Variants in DSCAML1 observed in about 807,000 individuals in gnomAD.
The protein encoded by DSCAML1 is cell adhesion molecule DSCAML1.
Under a neutral mutation model 200.5 loss-of-function variants are expected in DSCAML1, and 38 were observed. The ratio of observed to expected loss-of-function variants is 0.19; its 90% CI spans 0.15 to 0.25. The LOEUF is 0.25. DSCAML1 is among the 10% of genes least tolerant of loss of function. DSCAML1 has a pLI of 1.00. For missense variants in DSCAML1, 2,223 were observed against 2,858.8 expected, an observed-to-expected ratio of 0.78 and a Z score of 5.07; for synonymous variants, 1,215 against 1,165.0, an observed-to-expected ratio of 1.04 and a Z score of -0.87.
At chr11:117,461,877 A>G (rs1273355832) in intron 17 of DSCAML1, among the ~76,000 whole-genome samples, 1 of 152,186 alleles carries the variant, frequency 6.6e-6, no homozygotes, top group Admixed American at 6.5e-5. Flanking sequence ...ATCCTGGGGA[A>G]GAAGGTGAGG....
chr11:117,435,901 T>G, intron 26 of DSCAML1, 102 bp from the exon 27 acceptor site: 1 of 1,351,014 alleles, frequency 7.4e-7, no homozygotes. Flanking sequence ...TTGCTGCCCT[T>G]GGGCTCTGAC....
chr11:117,525,802 C>G (rs2049968279), intron 4 of DSCAML1, among the ~76,000 whole-genome samples: 1 of 152,192 alleles, frequency 6.6e-6, no homozygotes, highest in Non-Finnish European at 1.5e-5. Flanking sequence ...AGTGATGTGT[C>G]ATGACGTCTC....
At chr11:117,798,011 G>A (rs2055615250), upstream of DSCAML1, among the ~76,000 whole-genome samples, 2 of 152,210 alleles carry the variant, frequency 1.3e-5, no homozygotes, top group African/African-American at 4.8e-5. Flanking sequence ...CACCTGCTGT[G>A]TCAGGCACTG....
At chr11:117,704,213 A>G (rs761991597) in intron 3 of DSCAML1, among the ~76,000 whole-genome samples, 3 of 151,990 alleles carry the variant, frequency 2.0e-5, no homozygotes, top group Admixed American at 6.6e-5. Flanking sequence ...CAAGATAATA[A>G]TAATAATAAT....
intron 3 of DSCAML1, among the ~76,000 whole-genome samples, chr11:117,743,832 C>T (rs1056166494): frequency 1.3e-5 from 2 of 152,214 alleles, no homozygotes; most frequent in African/African-American, 2.4e-5. Flanking sequence ...GACCTGCAGG[C>T]ATCACATTCC....
intron 3 of DSCAML1, among the ~76,000 whole-genome samples, chr11:117,705,606 G>A (rs1036647752): frequency 6.6e-6 from 1 of 152,186 alleles, no homozygotes; most frequent in African/African-American, 2.4e-5. Context: ...CTCAGAAAGA[G>A]AGACCAGTAC....
chr11:117,646,938 G>A (rs187274117), intron 3 of DSCAML1, among the ~76,000 whole-genome samples: 4 of 152,242 alleles, frequency 2.6e-5, no homozygotes, highest in East Asian at 1.9e-4. Flanking sequence ...GTCCCAGACT[G>A]ATCGTGACGT....
intron 1 of DSCAML1, among the ~76,000 whole-genome samples, chr11:117,807,830 C>A (rs142007030): frequency 5.2e-4 from 79 of 152,228 alleles, no homozygotes; most frequent in African/African-American, 1.6e-3. Context: ...TGGCTTTCGT[C>A]GGAGTTAAAA....
rs918291460 is a variant in DSCAML1, at chr11:117,642,111, G to A, written c.512-109589C>T. On this transcript the variant is annotated intron_variant, in intron 3 of 32. Coordinates refer to ENST00000651296, the MANE Select transcript of DSCAML1 (RefSeq NM_020693.4). The surrounding 1 kb of genome is among the most constrained non-coding windows in gnomAD (Gnocchi z 4.1). ...CTCTACCTCACCTGCCCTTACCATT[G>A]CCCTCGAATTATTTCTGGTTTGTAA... Among the ~76,000 whole-genome samples the A allele has an allele frequency of 5.9e-5, 9 of 152,042 alleles. No individual in the cohort carries two copies. Among genetic ancestry groups the A allele is most frequent in the Admixed American group, 5.2e-4 (8 of 15,268 alleles).
intron 17 of DSCAML1, among the ~76,000 whole-genome samples, chr11:117,462,423 G>A (rs1440062091): frequency 3.3e-5 from 5 of 152,226 alleles, no homozygotes; most frequent in South Asian, 2.1e-4. Context: ...CAGCTCGGGG[G>A]AGCTTTGGTG....
At chr11:117,519,677 C>T (rs1374586449) in intron 6 of DSCAML1, among the ~76,000 whole-genome samples, 1 of 151,978 alleles carries the variant, frequency 6.6e-6, no homozygotes, top group African/African-American at 2.4e-5. Context: ...AAAAAATAGC[C>T]AGGTGTGGTG....
At position 117,780,296 on chromosome 11, in the gene DSCAML1, G is replaced by GAAAGAAAGAAAGAA. The variant is rs1555032777; in HGVS notation, c.364+196_364+197insTTCTTTCTTTCTTT. On this transcript the variant is annotated intron_variant, in intron 2 of 32. Coordinates refer to ENST00000651296, the MANE Select transcript of DSCAML1 (RefSeq NM_020693.4). The surrounding 1 kb of genome is among the most constrained non-coding windows in gnomAD (Gnocchi z 4.8). The stretch of plus-strand genomic sequence containing the variant: ...AGAAAGAAAGAAAGAAAGAAAGAAA[G>GAAAGAAAGAAAGAA]AAAGAAAGAGAGAAAGGAGAAAGAA... Among the ~76,000 whole-genome samples the GAAAGAAAGAAAGAA allele has an allele frequency of 4.7e-5, 5 of 106,972 alleles. No individual in the cohort carries two copies. In the East Asian group the frequency reaches 1.3e-3, roughly 28 times the overall value. 70.2% of individuals were successfully genotyped at this position (106,972 alleles called of 152,430 possible). A position where few individuals can be genotyped will look rare whatever the true frequency, so the allele number is the denominator to read the frequency against.
intron 11 of DSCAML1, among the ~76,000 whole-genome samples, chr11:117,488,176 C>T (rs976147732): frequency 2.6e-5 from 4 of 152,228 alleles, no homozygotes; most frequent in Admixed American, 1.3e-4. Context: ...CCCCTCCATC[C>T]GGCCCTGCAC....
chr11:117,756,514 G>A (rs1029340432), intron 3 of DSCAML1, among the ~76,000 whole-genome samples: 1 of 152,108 alleles, frequency 6.6e-6, no homozygotes, highest in Non-Finnish European at 1.5e-5. Flanking sequence ...AGACATCCTG[G>A]GAAGGACATG....
In DSCAML1 at chr11:117,708,888, T is replaced by C. The variant is rs150752280; in HGVS notation, c.511+67903A>G. On this transcript the variant is annotated intron_variant, in intron 3 of 32. Coordinates refer to ENST00000651296, the MANE Select transcript of DSCAML1 (RefSeq NM_020693.4). ...GTAGGCTCCCATTACATGCTGCCCATTAAATCATCTCAAGTTCATTTAAGG... is the reference window on the plus strand; with the variant it reads ...GTAGGCTCCCATTACATGCTGCCCACTAAATCATCTCAAGTTCATTTAAGG... Among the ~76,000 whole-genome samples the C allele has an allele frequency of 6.3e-4, 96 of 152,184 alleles. 1 individual carries two copies. The highest frequency in any genetic ancestry group is 1.2e-3 in the Non-Finnish European group (81 of 68,036).
chr11:117,486,270 G>T (rs985279631), intron 11 of DSCAML1, among the ~76,000 whole-genome samples: 56 of 85,846 alleles, frequency 6.5e-4, no homozygotes, highest in African/African-American at 1.8e-3. Flanking sequence ...GTGGTGGATG[G>T]GAAAGTGGCG....
intron 11 of DSCAML1, among the ~76,000 whole-genome samples, chr11:117,493,321 CTT>C (rs35975602): frequency 8.4e-5 from 12 of 142,042 alleles, no homozygotes; most frequent in African/African-American, 2.1e-4. Flanking sequence ...TGGTCCTCTT[CTT>C]TTTTTTTTTT....
intron 3 of DSCAML1, among the ~76,000 whole-genome samples, chr11:117,708,785 T>C (rs560101788): frequency 3.9e-4 from 60 of 152,308 alleles, no homozygotes; most frequent in African/African-American, 1.3e-3. Context: ...CGTGGACCTA[T>C]GGCCAAACGT....
chr11:117,614,829 G>A (rs1194641320), intron 3 of DSCAML1, among the ~76,000 whole-genome samples: 2 of 152,188 alleles, frequency 1.3e-5, no homozygotes, highest in African/African-American at 4.8e-5. Flanking sequence ...TTGAATGGAG[G>A]GAGGAGAAGT....
Sources: allele counts gnomAD v4.1 joint callset (sites outside exome capture counted in the v4.1 genomes callset), GRCh38; gene constraint gnomAD v4.1.1; non-coding constraint Gnocchi (gnomAD v3.1); transcripts MANE v1.5; gene names NCBI Gene and HGNC (gene_info 2026-07-23, HGNC 2026-07-21).